Variants in ADAMTS17 observed in about 807,000 individuals in gnomAD.
ADAMTS17 encodes A disintegrin and metalloproteinase with thrombospondin motifs 17.
In ADAMTS17, 113 loss-of-function variants were observed where a neutral mutation model predicts 141.5. The ratio of observed to expected loss-of-function variants is 0.80; its 90% CI spans 0.69 to 0.93. The LOEUF (loss-of-function observed/expected upper bound fraction) is 0.93. ADAMTS17 is among the 40% of genes least tolerant of loss of function. ADAMTS17 has a pLI of 0.00. For missense variants in ADAMTS17, 1,659 were observed against 1,517.9 expected, an observed-to-expected ratio of 1.09 and a Z score of -1.54; for synonymous variants, 768 against 630.6, an observed-to-expected ratio of 1.22 and a Z score of -3.27.
At chr15:100,265,447 GGCA>G (rs1567454826) in intron 4 of ADAMTS17, among the ~76,000 whole-genome samples, 1 of 152,194 alleles carries the variant, frequency 6.6e-6, no homozygotes, top group Non-Finnish European at 1.5e-5. Flanking sequence ...CAGCTCTGGC[GGCA>G]TCCCAGCAAG....
intron 7 of ADAMTS17, among the ~76,000 whole-genome samples, chr15:100,220,553 A>G (rs2042102771): frequency 6.6e-6 from 1 of 152,310 alleles, no homozygotes; most frequent in South Asian, 2.1e-4. Flanking sequence ...ACCCCTTTGA[A>G]GTATATGCTT....
chr15:99,975,760 G>T (rs1221056259), intron 21 of ADAMTS17, among the ~76,000 whole-genome samples: 2 of 152,180 alleles, frequency 1.3e-5, no homozygotes, highest in African/African-American at 2.4e-5. Context: ...CTCATGCACA[G>T]GAAACCTACA....
intron 3 of ADAMTS17, among the ~76,000 whole-genome samples, chr15:100,328,689 A>T (rs1282436748): frequency 6.6e-6 from 1 of 152,026 alleles, no homozygotes; most frequent in Non-Finnish European, 1.5e-5. Context: ...ATGCCTCAAA[A>T]CTCTCCTTAG....
In ADAMTS17 at chr15:100,116,761, G is replaced by A. The variant is rs1025665654; in HGVS notation, c.1888+86C>T. 1.1e-5 allele frequency: 18 copies of A among 1,594,244 alleles called. No homozygotes were observed. The East Asian group carries it at 4.0e-4, about 36-fold the overall frequency. On this transcript the variant is annotated intron_variant, in intron 13 of 21. Coordinates refer to ENST00000268070, the MANE Select transcript of ADAMTS17 (RefSeq NM_139057.4). Reference sequence around the variant, plus strand: ...TCTTGCTGGGTTGGTTTGGGAAAGGGATGCCCCCCGGCTTCCCTAGGTGGT... The same window carrying A: ...TCTTGCTGGGTTGGTTTGGGAAAGGAATGCCCCCCGGCTTCCCTAGGTGGT...
intron 10 of ADAMTS17, among the ~76,000 whole-genome samples, chr15:100,143,817 C>T (rs1183593156): frequency 6.6e-6 from 1 of 152,198 alleles, no homozygotes; most frequent in Non-Finnish European, 1.5e-5. Flanking sequence ...GCTCCTAAAG[C>T]AATTGCAGAA....
Position 100,152,538 on chromosome 15 carries a change from A to G in ADAMTS17, c.1473+74T>C, listed in dbSNP as rs932990677. ...CTGAGTGTGAATGCCCATGTCCTCCAGCAGAAGCCAGACCTGCTGTGGGAG... is the reference window on the plus strand; with the variant it reads ...CTGAGTGTGAATGCCCATGTCCTCCGGCAGAAGCCAGACCTGCTGTGGGAG... On this transcript the variant is annotated intron_variant, in intron 10 of 21. Transcript: ENST00000268070. The G allele has an allele frequency of 9.4e-6, 15 of 1,599,274 alleles. No individual in the cohort carries two copies. In the Admixed American group the frequency reaches 2.5e-4, roughly 27 times the overall value.
chr15:100,236,486 C>A (rs1032366318), intron 7 of ADAMTS17, among the ~76,000 whole-genome samples: 1 of 152,050 alleles, frequency 6.6e-6, no homozygotes, highest in African/African-American at 2.4e-5. Context: ...ATCTACAGAG[C>A]CCTCTTACTA....
chr15:100,068,929 A>T (rs941126779), intron 15 of ADAMTS17, among the ~76,000 whole-genome samples: 37 of 152,392 alleles, frequency 2.4e-4, no homozygotes, highest in African/African-American at 8.7e-4. Context: ...AAGGCTTCAG[A>T]TGATCAAACT....
At chr15:100,259,321 A>C (rs2043436490) in intron 6 of ADAMTS17, among the ~76,000 whole-genome samples, 1 of 152,238 alleles carries the variant, frequency 6.6e-6, no homozygotes, top group African/African-American at 2.4e-5. Context: ...CCACTCTCAA[A>C]TCATGGTACC....
At chr15:100,245,993 A>C (rs1395188408) in intron 7 of ADAMTS17, among the ~76,000 whole-genome samples, 1 of 151,904 alleles carries the variant, frequency 6.6e-6, no homozygotes, top group Non-Finnish European at 1.5e-5. Flanking sequence ...TGGTGCACAG[A>C]GCAAGCACAC....
In ADAMTS17 at chr15:100,275,636, T is replaced by C. The variant is rs146199111; in HGVS notation, c.789+5593A>G. 7.6e-3 allele frequency among the ~76,000 whole-genome samples: 1,163 copies of C among 152,246 alleles called. 18 individuals carry two copies. Among genetic ancestry groups the C allele is most frequent in the African/African-American group, 0.027 (1,104 of 41,546 alleles). On this transcript the variant is annotated intron_variant, in intron 4 of 21. Coordinates refer to ENST00000268070, the MANE Select transcript of ADAMTS17 (RefSeq NM_139057.4). ...GTACTCACAGGCTCTGCACCCTGGC[T>C]GTGTCACGTCCCCAAGCCTCCATTT...
At chr15:100,184,529 A>G (rs2141551548) in intron 8 of ADAMTS17, among the ~76,000 whole-genome samples, 1 of 152,282 alleles carries the variant, frequency 6.6e-6, no homozygotes, top group South Asian at 2.1e-4. Context: ...TCCCCATTAT[A>G]CAGACGAGGA....
chr15:99,996,052 G>A (rs1048615737), intron 19 of ADAMTS17, among the ~76,000 whole-genome samples: 3 of 148,576 alleles, frequency 2.0e-5, no homozygotes, highest in African/African-American at 5.2e-5. Context: ...GAGTCTGAGT[G>A]GATTTTTTTT....
At chr15:100,195,881 CAT>C (rs2041097552) in intron 8 of ADAMTS17, among the ~76,000 whole-genome samples, 1 of 152,144 alleles carries the variant, frequency 6.6e-6, no homozygotes, top group African/African-American at 2.4e-5. Flanking sequence ...CATGTATAAT[CAT>C]ATAAGTGATC....
chr15:100,233,385 T>G (rs938781955), intron 7 of ADAMTS17, among the ~76,000 whole-genome samples: 1 of 151,670 alleles, frequency 6.6e-6, no homozygotes, highest in East Asian at 1.9e-4. Context: ...TAAGTCGCCG[T>G]TTTTTAAGAT....
chr15:100,082,794 G>T (rs79791838), intron 15 of ADAMTS17, among the ~76,000 whole-genome samples: 1,328 of 119,066 alleles, frequency 0.011, 10 homozygotes, highest in Middle Eastern at 0.03. Flanking sequence ...AGTTCATCTT[G>T]GTTTTTCTCA....
In ADAMTS17 at chr15:100,252,806, G is replaced by A. The variant is rs367640188; in HGVS notation, c.1075+1330C>T. Among the ~76,000 whole-genome samples the A allele has an allele frequency of 5.9e-5, 9 of 152,328 alleles. No individual in the cohort carries two copies. In the East Asian group the frequency reaches 1.3e-3, roughly 23 times the overall value. ...CGCTCTCAGATCTGGTTAGAGGACCGATGAAGTGTAATATATTAAAAATCA... is the reference window on the plus strand; with the variant it reads ...CGCTCTCAGATCTGGTTAGAGGACCAATGAAGTGTAATATATTAAAAATCA... On this transcript the variant is annotated intron_variant, in intron 7 of 21. Coordinates refer to ENST00000268070, the MANE Select transcript of ADAMTS17 (RefSeq NM_139057.4).
intron 8 of ADAMTS17, among the ~76,000 whole-genome samples, chr15:100,161,163 G>A (rs570492009): frequency 1.3e-5 from 2 of 152,260 alleles, no homozygotes; most frequent in South Asian, 4.2e-4. Flanking sequence ...ATGCTGCTCT[G>A]TATTTGTTTT....
At position 99,972,697 on chromosome 15, in the gene ADAMTS17, G is replaced by A. The variant is rs949622595; in HGVS notation, c.*1705C>T. The A allele has an allele frequency of 5.3e-5, 8 of 152,240 alleles. No homozygotes were observed. Among genetic ancestry groups the A allele is most frequent in the Non-Finnish European group, 7.3e-5 (5 of 68,036 alleles). 9.4% of individuals were successfully genotyped at this position (152,240 alleles called of 1,614,324 possible). ...TCGGTTCTTTCCACAGAGCACCCAC[G>A]GAAGTTTCTCAACACTTCTCGTTGA... is the stretch of plus-strand genomic sequence containing the variant. On this transcript the variant is annotated 3_prime_UTR_variant, in exon 22 of 22. Coordinates refer to ENST00000268070, the MANE Select transcript of ADAMTS17 (RefSeq NM_139057.4).
Sources: allele counts gnomAD v4.1 joint callset (sites outside exome capture counted in the v4.1 genomes callset), GRCh38; gene constraint gnomAD v4.1.1; transcripts MANE v1.5; gene names NCBI Gene and HGNC (gene_info 2026-07-23, HGNC 2026-07-21).